TDRD12: variants seen among roughly 807,000 people sequenced by gnomAD.
TDRD12 encodes tudor domain containing 12, also known as putative ATP-dependent RNA helicase TDRD12.
In TDRD12, 158 loss-of-function variants were observed where a neutral mutation model predicts 133.5. That is an observed-to-expected ratio of 1.18 (90% CI 1.04 to 1.35). The LOEUF (loss-of-function observed/expected upper bound fraction) is 1.35. Ranked by LOEUF, TDRD12 falls within the 40% of genes most tolerant of loss-of-function variation. TDRD12 has a pLI of 0.00. For synonymous variants in TDRD12, 460 were observed against 477.9 expected (o/e 0.96, Z 0.49); for missense variants, 1,443 against 1,321.3 (o/e 1.09, Z -1.43).
intron 21 of TDRD12, among the ~76,000 whole-genome samples, chr19:32,804,308 G>C (rs550233481): frequency 6.6e-6 from 1 of 151,220 alleles, no homozygotes; most frequent in Non-Finnish European, 1.5e-5. Context: ...TCCTGACCTC[G>C]TGATCTGCCC....
intron 11 of TDRD12, among the ~76,000 whole-genome samples, chr19:32,777,527 G>A (rs1970617081): frequency 6.6e-6 from 1 of 151,856 alleles, no homozygotes; most frequent in Non-Finnish European, 1.5e-5. Context: ...GATCTTTTGG[G>A]GCTGTTGATG....
exon 2 of TDRD12, chr19:32,731,850 A>G: frequency 6.5e-7 from 1 of 1,549,554 alleles, no homozygotes; most frequent in South Asian, 1.2e-5. Context: ...GTCAAGATAT[A>G]GAAATAAAAC....
intron 5 of TDRD12, among the ~76,000 whole-genome samples, chr19:32,749,313 C>T (rs962558261): frequency 7.9e-5 from 12 of 151,362 alleles, no homozygotes; most frequent in Admixed American, 7.9e-4. Flanking sequence ...AGCCTCTGAG[C>T]CTGGTCTCCT....
At chr19:32,738,934 T>C in exon 3 of TDRD12, 1 of 1,551,220 alleles carries the variant, frequency 6.4e-7, no homozygotes, top group Non-Finnish European at 8.7e-7. Flanking sequence ...CGCAGACCAG[T>C]ACCTGGCAGA....
At chr19:32,746,905 A>G (rs1462285250) in intron 4 of TDRD12, among the ~76,000 whole-genome samples, 3 of 139,696 alleles carry the variant, frequency 2.1e-5, no homozygotes, top group Non-Finnish European at 3.1e-5. Flanking sequence ...AGAGAGAGAG[A>G]GAGGGAGAGA....
chr19:32,810,324 A>G, intron 23 of TDRD12, 47 bp downstream of exon 23: 3 of 1,422,334 alleles, frequency 2.1e-6, no homozygotes, highest in Non-Finnish European at 2.8e-6. Flanking sequence ...AGCATGAGGT[A>G]ACTAAGTGGT....
chr19:32,749,065 G>C (rs1216323283), intron 5 of TDRD12, among the ~76,000 whole-genome samples: 1 of 152,144 alleles, frequency 6.6e-6, no homozygotes, highest in Non-Finnish European at 1.5e-5. Context: ...AGGGTTGGTG[G>C]ATGGGAAACA....
chr19:32,747,689 G>T (rs1026331914), intron 4 of TDRD12, among the ~76,000 whole-genome samples: 4 of 152,126 alleles, frequency 2.6e-5, no homozygotes, highest in Admixed American at 6.6e-5. Context: ...GGGCGCTAGG[G>T]TCAGCAGAGT....
intron 22 of TDRD12, among the ~76,000 whole-genome samples, chr19:32,809,327 C>T (rs1051591446): frequency 3.3e-5 from 5 of 152,160 alleles, no homozygotes; most frequent in Non-Finnish European, 7.4e-5. Context: ...TGGCTGAGCC[C>T]GTTTCCAGGG....
Position 32,795,084 on chromosome 19 carries a change from C to T in TDRD12, c.1473+271C>T, listed in dbSNP as rs961902788. Among the ~76,000 whole-genome samples the T allele has an allele frequency of 2.6e-5, 4 of 152,090 alleles. No individual in the cohort carries two copies. In the East Asian group the frequency reaches 7.7e-4, roughly 29 times the overall value. ...GCACGGTGGCTCACGCCTGTAATCCCAGCACTTTGGGAGGCCGAGGCGAGT... is the reference window on the plus strand; with the variant it reads ...GCACGGTGGCTCACGCCTGTAATCCTAGCACTTTGGGAGGCCGAGGCGAGT... On this transcript the variant is annotated intron_variant, in intron 14 of 27. Transcript: ENST00000444215.
intron 10 of TDRD12, among the ~76,000 whole-genome samples, chr19:32,773,977 G>C (rs966869102): frequency 1.3e-5 from 2 of 152,208 alleles, no homozygotes; most frequent in Non-Finnish European, 2.9e-5. Context: ...GCACAGAGTG[G>C]TCCTGATGAG....
rs1968574744 is a variant in TDRD12 at position 32,720,098 on chromosome 19, T to TGAGCGCCGCC, written c.24+3_24+12dup. On this transcript the variant is annotated splice_region_variant and intron_variant, in intron 1 of 27. Coordinates refer to ENST00000444215, the Ensembl canonical transcript of TDRD12. ...ATGCTCCAGCTCCTGGTGCTGAAGG[T>TGAGCGCCGCC]GAGCGCCGCCAAGCCAGACCCACGC... 6 of 1,547,676 alleles carry TGAGCGCCGCC rather than the reference T, an allele frequency of 3.9e-6. No homozygotes were observed. The highest frequency in any genetic ancestry group is 5.2e-6 in the Non-Finnish European group (6 of 1,146,144).
At chr19:32,735,894 C>T (rs574995493) in intron 2 of TDRD12, among the ~76,000 whole-genome samples, 8 of 152,086 alleles carry the variant, frequency 5.3e-5, no homozygotes, top group African/African-American at 1.7e-4. Flanking sequence ...TGCTTGAACC[C>T]GGGAGGTGGA....
In TDRD12 at chr19:32,813,665, T is replaced by C; in HGVS notation, c.3049-19T>C. On this transcript the variant is annotated intron_variant, in intron 24 of 27. Coordinates refer to ENST00000444215, the Ensembl canonical transcript of TDRD12. ...TTTGTTAAAGCCTCACCTAAAATAA[T>C]GTTAAGTGCTTTTTTCAGGTTACTA... 5.6e-6 allele frequency: 8 copies of C among 1,419,884 alleles called. No homozygotes were observed. Among genetic ancestry groups the C allele is most frequent in the Non-Finnish European group, 7.6e-6 (8 of 1,046,916 alleles). The allele number at this position is 1,419,884 out of a possible 1,614,324, so 88.0% of individuals were successfully genotyped here.
At position 32,820,884 on chromosome 19, in the gene TDRD12, C is replaced by A. The variant is rs935508878; in HGVS notation, c.3384-149C>A. The A allele has an allele frequency of 4.9e-6, 3 of 613,430 alleles. No homozygotes were observed. In the African/African-American group the frequency reaches 5.5e-5, roughly 11 times the overall value. The allele number at this position is 613,430 out of a possible 1,614,324, so 38.0% of individuals were successfully genotyped here. A position where few individuals can be genotyped will look rare whatever the true frequency, so the allele number is the denominator to read the frequency against. On this transcript the variant is annotated intron_variant, in intron 27 of 27. Transcript: ENST00000444215. ...TGTCGGAAGGAACAGAGTTGATGGG[C>A]TGCCTGGGGCATCTTAAATGTCATA...
chr19:32,726,115 C>T (rs897012782), intron 1 of TDRD12, among the ~76,000 whole-genome samples: 54 of 149,742 alleles, frequency 3.6e-4, no homozygotes, highest in African/African-American at 1.3e-3. Context: ...GAGTCTTGCT[C>T]TGTCGCCCAG....
intron 6 of TDRD12, among the ~76,000 whole-genome samples, chr19:32,755,713 C>T (rs1232994257): frequency 6.6e-6 from 1 of 152,202 alleles, no homozygotes; most frequent in Non-Finnish European, 1.5e-5. Flanking sequence ...TCTGTCCTCC[C>T]ACCAGGCTTT....
At chr19:32,729,816 A>T (rs1431913218) in intron 1 of TDRD12, among the ~76,000 whole-genome samples, 1 of 88,792 alleles carries the variant, frequency 1.1e-5, no homozygotes, top group East Asian at 4.0e-4. Flanking sequence ...TGTGAGATGG[A>T]GTCTTGCTCT....
exon 10 of TDRD12, chr19:32,828,715 GAGC>G (rs1217588540): frequency 6.6e-6 from 1 of 152,204 alleles, no homozygotes; most frequent in African/African-American, 2.4e-5. Flanking sequence ...GCTGTCCTGT[GAGC>G]AGGTCTGGAT....
Sources: allele counts gnomAD v4.1 joint callset (sites outside exome capture counted in the v4.1 genomes callset), GRCh38; gene constraint gnomAD v4.1.1; transcripts MANE v1.5; gene names NCBI Gene and HGNC (gene_info 2026-07-23, HGNC 2026-07-21).